Variants in PRIM2 observed in about 807,000 individuals in gnomAD.
PRIM2 encodes DNA primase subunit 2, also known as DNA primase large subunit.
PRIM2 carries 39 observed loss-of-function variants against 67.3 expected under a neutral mutation model. The observed-to-expected ratio is 0.58, with a 90% CI of 0.45 to 0.76. PRIM2 has a LOEUF of 0.76. PRIM2 is among the 30% of genes least tolerant of loss of function. The pLI is 0.00. For synonymous variants in PRIM2, 143 were observed against 198.7 expected, an observed-to-expected ratio of 0.72 and a Z score of 2.36; for missense variants, 398 against 598.7, an observed-to-expected ratio of 0.66 and a Z score of 3.50.
intron 7 of PRIM2, among the ~76,000 whole-genome samples, chr6:57,422,689 A>AT (rs1325455692): frequency 4.6e-5 from 7 of 151,344 alleles, no homozygotes; most frequent in Non-Finnish European, 1.0e-4. Context: ...TACTGTTTAC[A>AT]TTTTTTTGAT....
At chr6:57,349,916 A>C (rs1768807109) in intron 5 of PRIM2, among the ~76,000 whole-genome samples, 1 of 152,212 alleles carries the variant, frequency 6.6e-6, no homozygotes, top group African/African-American at 2.4e-5. Flanking sequence ...AATCTTCTTA[A>C]ACCTTCAATA....
chr6:57,568,985 A>G (rs1369411465), intron 10 of PRIM2, among the ~76,000 whole-genome samples: 8 of 152,254 alleles, frequency 5.3e-5, no homozygotes, highest in South Asian at 4.1e-4. Flanking sequence ...TACATTTTCT[A>G]TAAGTGTAAG....
chr6:57,349,839 C>T (rs1314894688), intron 5 of PRIM2, among the ~76,000 whole-genome samples: 1 of 152,116 alleles, frequency 6.6e-6, no homozygotes, highest in Non-Finnish European at 1.5e-5. Flanking sequence ...GCTTTCACTG[C>T]AGTCACATTG....
intron 5 of PRIM2, among the ~76,000 whole-genome samples, chr6:57,340,864 T>A (rs201098391): frequency 1.3e-5 from 2 of 152,158 alleles, no homozygotes; most frequent in East Asian, 1.9e-4. Context: ...AATAATAATT[T>A]AAAAAAATGG....
chr6:57,567,173 ATATTG>A (rs1227883285), intron 10 of PRIM2, among the ~76,000 whole-genome samples: 2 of 152,204 alleles, frequency 1.3e-5, no homozygotes, highest in African/African-American at 4.8e-5. Context: ...AGAAAAAAAA[ATATTG>A]TAATAATCAT....
At chr6:57,227,296 A>G in the PRIM2 span, among the ~76,000 whole-genome samples, 1 of 152,184 alleles carries the variant, frequency 6.6e-6, no homozygotes, top group Admixed American at 6.5e-5. Flanking sequence ...GATCTGATGC[A>G]TTTTCAAGAG....
intron 12 of PRIM2, among the ~76,000 whole-genome samples, chr6:57,622,689 G>A (rs1157656699): frequency 2.0e-5 from 3 of 152,106 alleles, no homozygotes; most frequent in Admixed American, 6.5e-5. Context: ...TCTAATTGGT[G>A]CTTCTAAGAA....
At chr6:57,339,803 C>G (rs1768404677) in intron 5 of PRIM2, among the ~76,000 whole-genome samples, 1 of 152,194 alleles carries the variant, frequency 6.6e-6, no homozygotes, top group Non-Finnish European at 1.5e-5. Context: ...TGGGCAAGGA[C>G]TTTATGTCTA....
chr6:57,336,403 G>A (rs982063410), intron 5 of PRIM2, among the ~76,000 whole-genome samples: 20 of 152,096 alleles, frequency 1.3e-4, no homozygotes, highest in Admixed American at 7.2e-4. Context: ...AAGACACATA[G>A]TTGTCAGATT....
At chr6:57,590,087 G>T (rs1341466309) in intron 10 of PRIM2, among the ~76,000 whole-genome samples, 1 of 152,160 alleles carries the variant, frequency 6.6e-6, no homozygotes, top group Non-Finnish European at 1.5e-5. Context: ...AAAGAAGTCT[G>T]GGCCTCTAAT....
chr6:57,440,939 A>G (rs1772184977), intron 7 of PRIM2, among the ~76,000 whole-genome samples: 1 of 152,160 alleles, frequency 6.6e-6, no homozygotes, highest in South Asian at 2.1e-4. Context: ...AATTATGCTG[A>G]TTTGGCATAA....
chr6:57,329,099 T>C (rs1246260686), intron 5 of PRIM2, among the ~76,000 whole-genome samples: 1 of 152,182 alleles, frequency 6.6e-6, no homozygotes, highest in Non-Finnish European at 1.5e-5. Flanking sequence ...GAAGGTTGTC[T>C]TTTCTTGATG....
chr6:57,472,393 C>CAAA lies in PRIM2; in HGVS notation c.694-34982_694-34980dup, dbSNP rs1281311931. Among the ~76,000 whole-genome samples, 325 of 136,094 alleles carry CAAA rather than the reference C, an allele frequency of 2.4e-3. 1 individual carries two copies. The highest frequency in any genetic ancestry group is 0.018 in the East Asian group (86 of 4,754). The allele number at this position is 136,094 out of a possible 152,430, so 89.3% of individuals were successfully genotyped here. A position where few individuals can be genotyped will look rare whatever the true frequency, so the allele number is the denominator to read the frequency against. On this transcript the variant is annotated intron_variant, in intron 7 of 13. Transcript: ENST00000615550. Reference sequence around the variant, plus strand: ...TGCAGTGAACTGAGATTGCGTGTGTCAAAAAAAAAAAAAAGAAGAGAAAAG... The same window carrying CAAA: ...TGCAGTGAACTGAGATTGCGTGTGTCAAAAAAAAAAAAAAAAAGAAGAGAAAAG...
intron 10 of PRIM2, among the ~76,000 whole-genome samples, chr6:57,583,359 T>C (rs1776132662): frequency 8.3e-6 from 1 of 121,022 alleles, no homozygotes; most frequent in Non-Finnish European, 1.6e-5. Flanking sequence ...CCCCAGAGTG[T>C]GATGTTCCCC....
At chr6:57,434,728 A>C (rs1316214653) in intron 7 of PRIM2, among the ~76,000 whole-genome samples, 1 of 151,764 alleles carries the variant, frequency 6.6e-6, no homozygotes, top group Non-Finnish European at 1.5e-5. Context: ...AGTGTAGTGT[A>C]TTTTTTAATA....
chr6:57,369,490 T>C (rs1769474073), intron 5 of PRIM2, among the ~76,000 whole-genome samples: 1 of 152,188 alleles, frequency 6.6e-6, no homozygotes. Context: ...TGGGTGGATA[T>C]GAATAATAGG....
upstream of PRIM2, among the ~76,000 whole-genome samples, chr6:57,312,260 G>A (rs1372900410): frequency 6.6e-6 from 1 of 152,080 alleles, no homozygotes; most frequent in African/African-American, 2.4e-5. Flanking sequence ...TAGCACTTTG[G>A]GAGGCCGAGG....
the PRIM2 span, among the ~76,000 whole-genome samples, chr6:57,301,320 T>C: frequency 6.6e-6 from 1 of 152,054 alleles, no homozygotes; most frequent in Non-Finnish European, 1.5e-5. Flanking sequence ...AAACCCCATC[T>C]CTATTAAAAA....
intron 10 of PRIM2, among the ~76,000 whole-genome samples, chr6:57,564,385 C>T (rs1775695945): frequency 1.3e-5 from 2 of 152,192 alleles, no homozygotes; most frequent in African/African-American, 4.8e-5. Flanking sequence ...TTCTCTTTCC[C>T]TCCCCAAATA....
Sources: allele counts gnomAD v4.1 joint callset (sites outside exome capture counted in the v4.1 genomes callset), GRCh38; gene constraint gnomAD v4.1.1; transcripts MANE v1.5; gene names NCBI Gene and HGNC (gene_info 2026-07-23, HGNC 2026-07-21).